The following CDC42BPB variants were observed in gnomAD, a reference collection of about 807,000 sequenced individuals.
The protein encoded by CDC42BPB is CDC42 binding protein kinase beta.
CDC42BPB carries 37 observed loss-of-function variants against 214.9 expected under a neutral mutation model. The observed-to-expected ratio is 0.17, with a 90% CI of 0.13 to 0.23. The LOEUF is 0.23. CDC42BPB is among the 10% of genes least tolerant of loss of function. CDC42BPB has a pLI of 1.00. For missense variants in CDC42BPB, 1,694 were observed against 2,227.0 expected, an observed-to-expected ratio of 0.76 and a Z score of 4.82; for synonymous variants, 931 against 884.0, an observed-to-expected ratio of 1.05 and a Z score of -0.94.
At chr14:103,023,866 T>C (rs1394620933) in intron 1 of CDC42BPB, among the ~76,000 whole-genome samples, 1 of 152,158 alleles carries the variant, frequency 6.6e-6, no homozygotes, top group Admixed American at 6.5e-5. Flanking sequence ...CAGATCAATT[T>C]TCAAAGACAA....
chr14:102,949,855 A>G lies in CDC42BPB; in HGVS notation c.3359T>C (p.Val1120Ala). 1 of 1,613,664 alleles carries G rather than the reference A, an allele frequency of 6.2e-7. No individual in the cohort carries two copies. The highest frequency in any genetic ancestry group is 8.5e-7 in the Non-Finnish European group (1 of 1,180,026). ...VKKGWQRAYA[V>A]VCDCKLFLYD... The stretch of plus-strand genomic sequence containing the variant: ...CAGGAAGAGCTTGCAGTCACAGACG[A>G]CTGCATATGCGCGCTGCCATCCCTT... Residue 1120 changes from valine (V) to alanine (A), a missense_variant, in exon 26 of 37, where the codon GTC becomes GCC. Val to Ala is a moderately conservative substitution (Grantham distance 64). Coordinates refer to ENST00000361246, the MANE Select transcript of CDC42BPB (RefSeq NM_006035.4).
chr14:103,043,356 A>G (rs1229827576), intron 1 of CDC42BPB, among the ~76,000 whole-genome samples: 2 of 152,226 alleles, frequency 1.3e-5, no homozygotes, highest in African/African-American at 4.8e-5. Context: ...ATTTGGCCAT[A>G]AAAAGGGATA....
rs533596271 is a variant in CDC42BPB, at chr14:103,018,217, G to A, written c.176-6029C>T. 7.9e-5 allele frequency among the ~76,000 whole-genome samples: 12 copies of A among 152,300 alleles called. No individual in the cohort carries two copies. In the East Asian group the frequency reaches 9.6e-4, roughly 12 times the overall value. ...TGGGAATGCTCACTCATCTCCTGCC[G>A]TGGAGTCTGGTTCCTAACAGACCAT... On this transcript the variant is annotated intron_variant, in intron 1 of 36. Coordinates refer to ENST00000361246, the MANE Select transcript of CDC42BPB (RefSeq NM_006035.4).
intron 1 of CDC42BPB, among the ~76,000 whole-genome samples, chr14:103,035,921 G>A (rs1887637841): frequency 6.6e-6 from 1 of 152,064 alleles, no homozygotes; most frequent in Admixed American, 6.6e-5. Context: ...GAAGGCCAAG[G>A]CAGGAGGATC....
chr14:103,036,491 A>C (rs1206807295), intron 1 of CDC42BPB, among the ~76,000 whole-genome samples: 1 of 152,144 alleles, frequency 6.6e-6, no homozygotes. Context: ...AAGCTTCTTA[A>C]TTTTTCCTAA....
In CDC42BPB at chr14:103,001,856, C is replaced by T. The variant is rs1895000701; in HGVS notation, c.447+2072G>A. On this transcript the variant is annotated intron_variant, in intron 4 of 36. Coordinates refer to ENST00000361246, the MANE Select transcript of CDC42BPB (RefSeq NM_006035.4). The surrounding 1 kb of genome is among the most constrained non-coding windows in gnomAD (Gnocchi z 5.8). ...CTGCCGAGAACTCTAAGAGGAGGAG[C>T]TTCCTACAGCAGCACTGGGTCTGAT... 6.6e-6 allele frequency among the ~76,000 whole-genome samples: 1 copy of T among 152,172 alleles called. No individual in the cohort carries two copies. Among genetic ancestry groups the T allele is most frequent in the African/African-American group, 2.4e-5 (1 of 41,428 alleles).
Position 103,004,084 on chromosome 14 carries a change from G to GCCGA in CDC42BPB, c.352-62_352-61insTCGG. On this transcript the variant is annotated intron_variant, in intron 3 of 36. Coordinates refer to ENST00000361246, the MANE Select transcript of CDC42BPB (RefSeq NM_006035.4). The surrounding 1 kb of genome is among the most constrained non-coding windows in gnomAD (Gnocchi z 5.3). The stretch of plus-strand genomic sequence containing the variant: ...TGGGAAGCAGGCCAGAGAGCGTACT[G>GCCGA]CCGGTCTCGGGGTCCCTCCTGGGAC... The GCCGA allele has an allele frequency of 6.6e-7, 1 of 1,505,644 alleles. No individual in the cohort carries two copies. The highest frequency in any genetic ancestry group is 2.5e-5 in the East Asian group (1 of 40,200). 93.3% of individuals were successfully genotyped at this position (1,505,644 alleles called of 1,614,324 possible).
intron 2 of CDC42BPB, among the ~76,000 whole-genome samples, 153 bp downstream of exon 2, chr14:103,011,944 C>T (rs987909224): frequency 2.0e-5 from 3 of 152,076 alleles, no homozygotes; most frequent in Non-Finnish European, 2.9e-5. Flanking sequence ...GGTGAGACCT[C>T]ATCTTAGAAA....
intron 30 of CDC42BPB, chr14:102,941,569 C>A: frequency 1.0e-6 from 1 of 985,452 alleles, no homozygotes; most frequent in Non-Finnish European, 1.2e-6. Context: ...TCCACACGGG[C>A]TTCTGGGAAG....
chr14:102,942,463 G>A (rs989746766), intron 30 of CDC42BPB, among the ~76,000 whole-genome samples: 3 of 152,216 alleles, frequency 2.0e-5, no homozygotes, highest in African/African-American at 4.8e-5. Flanking sequence ...TGCGCGGCTC[G>A]TCTTCCTCCC....
chr14:103,029,745 G>C (rs183615901), intron 1 of CDC42BPB, among the ~76,000 whole-genome samples: 28 of 149,464 alleles, frequency 1.9e-4, no homozygotes, highest in African/African-American at 6.4e-4. Flanking sequence ...TGTAGTCCCA[G>C]CTACTTCGGA....
intron 9 of CDC42BPB, among the ~76,000 whole-genome samples, chr14:102,976,598 T>C (rs1473449482): frequency 6.6e-6 from 1 of 152,270 alleles, no homozygotes; most frequent in Non-Finnish European, 1.5e-5. Flanking sequence ...ATGGCTCTCA[T>C]TTAATAGCTT....
intron 1 of CDC42BPB, chr14:103,041,879 G>A: frequency 2.4e-6 from 1 of 424,802 alleles, no homozygotes; most frequent in South Asian, 2.0e-5. Flanking sequence ...AAGGGAGACA[G>A]TTCTGCTGAA....
At chr14:103,009,214 G>T (rs1566900403) in intron 2 of CDC42BPB, among the ~76,000 whole-genome samples, 1 of 152,184 alleles carries the variant, frequency 6.6e-6, no homozygotes, top group East Asian at 1.9e-4. Flanking sequence ...CAGCAGCCAT[G>T]GCCTGAAGAG....
chr14:102,994,029 G>A (rs1039111401), intron 5 of CDC42BPB, among the ~76,000 whole-genome samples: 9 of 152,162 alleles, frequency 5.9e-5, no homozygotes, highest in African/African-American at 1.4e-4. Flanking sequence ...ACATACACAC[G>A]AAAAATGTCC....
At chr14:103,021,777 AGCGGGGGTCGTGTGGTACAG>A (rs1316377195) in intron 1 of CDC42BPB, among the ~76,000 whole-genome samples, 1 of 151,986 alleles carries the variant, frequency 6.6e-6, no homozygotes. Context: ...GGTGGGCCAG[AGCGGGGGTCGTGTGGTACAG>A]GCGGGGATCA....
At position 102,932,790 on chromosome 14, in the gene CDC42BPB, G is replaced by C. The variant is rs1249921684; in HGVS notation, c.*922C>G. On this transcript the variant is annotated 3_prime_UTR_variant, in exon 37 of 37. Coordinates refer to ENST00000361246, the MANE Select transcript of CDC42BPB (RefSeq NM_006035.4). Reference sequence around the variant, plus strand: ...AGGGGATTGCTGTGCCGTGGGCCGGGGCCAGTGTGCAGGAGTGTGTTGGGT... The same window carrying C: ...AGGGGATTGCTGTGCCGTGGGCCGGCGCCAGTGTGCAGGAGTGTGTTGGGT... 6.6e-6 allele frequency: 1 copy of C among 151,988 alleles called. No homozygotes were observed. Among genetic ancestry groups the C allele is most frequent in the Admixed American group, 6.6e-5 (1 of 15,188 alleles). The allele number at this position is 151,988 out of a possible 1,614,324, so 9.4% of individuals were successfully genotyped here.
chr14:103,016,589 T>C (rs1176842789), intron 1 of CDC42BPB, among the ~76,000 whole-genome samples: 1 of 139,162 alleles, frequency 7.2e-6, no homozygotes, highest in Admixed American at 7.6e-5. Flanking sequence ...GGTCCTCTTG[T>C]TACCTACAGG....
intron 7 of CDC42BPB, 121 bp downstream of exon 7, chr14:102,983,435 C>A: frequency 4.8e-6 from 7 of 1,460,132 alleles, no homozygotes; most frequent in African/African-American, 1.4e-5. Flanking sequence ...GGTCCAAACC[C>A]CGTCACCTCT....
Sources: gnomAD v4.1 joint callset for allele counts (sites outside exome capture counted in the v4.1 genomes callset) on GRCh38, gnomAD v4.1.1 for gene constraint, Gnocchi (gnomAD v3.1) non-coding constraint, MANE v1.5 for transcripts, NCBI Gene and HGNC (gene_info 2026-07-23, HGNC 2026-07-21) for gene names.